Variants in KCNQ5 observed in about 807,000 individuals in gnomAD.
KCNQ5 encodes potassium voltage-gated channel subfamily KQT member 5.
A neutral mutation model predicts 98.2 loss-of-function variants in KCNQ5; 30 were observed. That is an observed-to-expected ratio of 0.31 (90% CI 0.23 to 0.41). The LOEUF is 0.41. Among genes scored for constraint, KCNQ5 ranks in the 10% least tolerant of loss-of-function variants. The pLI is 1.00. For missense variants in KCNQ5, 835 were observed against 1,182.5 expected (o/e 0.71, Z 4.31); for synonymous variants, 458 against 449.4 (o/e 1.02, Z -0.24).
Position 73,016,335 on chromosome 6 carries a change from G to A in KCNQ5, c.489+12337G>A, listed in dbSNP as rs151315944. On this transcript the variant is annotated intron_variant, in intron 2 of 13. Coordinates refer to ENST00000370398, the MANE Select transcript of KCNQ5 (RefSeq NM_019842.4). ...GTGAGACAAGGAAGGGCAAGAAGAT[G>A]AGCAACTGAAGGAGGGTAAGCCAGG... 7.3e-3 allele frequency among the ~76,000 whole-genome samples: 1,104 copies of A among 152,110 alleles called. 16 individuals are homozygous for A. The highest frequency in any genetic ancestry group is 0.025 in the African/African-American group (1,052 of 41,506).
intron 1 of KCNQ5, among the ~76,000 whole-genome samples, chr6:72,741,181 C>G (rs1259129059): frequency 6.6e-6 from 1 of 152,174 alleles, no homozygotes; most frequent in Non-Finnish European, 1.5e-5. Flanking sequence ...TTGGCATGAG[C>G]TTGAATGTCA....
At chr6:72,848,560 G>T (rs550275107) in intron 1 of KCNQ5, among the ~76,000 whole-genome samples, 1 of 152,282 alleles carries the variant, frequency 6.6e-6, no homozygotes, top group East Asian at 1.9e-4. Flanking sequence ...ACCTAGTTTT[G>T]TAACTCAAAT....
At chr6:72,725,555 A>G (rs1770220400) in intron 1 of KCNQ5, among the ~76,000 whole-genome samples, 1 of 152,180 alleles carries the variant, frequency 6.6e-6, no homozygotes, top group African/African-American at 2.4e-5. Flanking sequence ...TGTTGATCAA[A>G]GAGTACACAA....
At chr6:72,819,828 C>A (rs779230583) in intron 1 of KCNQ5, among the ~76,000 whole-genome samples, 1 of 152,160 alleles carries the variant, frequency 6.6e-6, no homozygotes, top group Non-Finnish European at 1.5e-5. Flanking sequence ...ACCTAAGCTT[C>A]CTGTTTGTCT....
intron 1 of KCNQ5, among the ~76,000 whole-genome samples, chr6:72,843,081 G>T (rs1451922277): frequency 6.6e-6 from 1 of 152,120 alleles, no homozygotes; most frequent in East Asian, 1.9e-4. Flanking sequence ...GAATGGTATT[G>T]CCTGGGTTTT....
intron 11 of KCNQ5, among the ~76,000 whole-genome samples, chr6:73,173,749 A>G (rs1179959293): frequency 5.3e-5 from 8 of 152,116 alleles, no homozygotes; most frequent in Non-Finnish European, 1.2e-4. Context: ...CAGGAATTCA[A>G]GACCAGCCTG....
chr6:73,034,181 T>C (rs1162497368), intron 2 of KCNQ5, among the ~76,000 whole-genome samples: 1 of 152,164 alleles, frequency 6.6e-6, no homozygotes, highest in African/African-American at 2.4e-5. Flanking sequence ...ACTGATGCCT[T>C]TTTTTTGCAT....
chr6:72,725,329 A>T (rs1478682119), intron 1 of KCNQ5, among the ~76,000 whole-genome samples: 1 of 152,176 alleles, frequency 6.6e-6, no homozygotes, highest in Non-Finnish European at 1.5e-5. Context: ...TGCTTGTACA[A>T]GTTTTCCCAA....
chr6:72,792,797 A>G (rs1561986934), intron 1 of KCNQ5, among the ~76,000 whole-genome samples: 1 of 152,230 alleles, frequency 6.6e-6, no homozygotes. Flanking sequence ...GAATCTATCC[A>G]TACATATTTA....
At chr6:73,193,566 T>C (rs893175686) in intron 13 of KCNQ5, among the ~76,000 whole-genome samples, 9 of 151,290 alleles carry the variant, frequency 5.9e-5, no homozygotes, top group Admixed American at 5.9e-4. Flanking sequence ...TGAATGTTTG[T>C]TAACCTCAAG....
chr6:72,639,329 G>A (rs1348147122), intron 1 of KCNQ5, among the ~76,000 whole-genome samples: 1 of 152,170 alleles, frequency 6.6e-6, no homozygotes, highest in African/African-American at 2.4e-5. Flanking sequence ...GATGTAGAAA[G>A]CCAGGATAGA....
In KCNQ5 at chr6:73,198,485, A is replaced by G. The variant is rs1439562800; in HGVS notation, c.*3071A>G. On this transcript the variant is annotated 3_prime_UTR_variant, in exon 14 of 14. Coordinates refer to ENST00000370398, the MANE Select transcript of KCNQ5 (RefSeq NM_019842.4). ...GAGGAAATCAGGCACAAATTGACCAATTCTCATGCCATTTGCAAAGCAAAA... is the reference window on the plus strand; with the variant it reads ...GAGGAAATCAGGCACAAATTGACCAGTTCTCATGCCATTTGCAAAGCAAAA... 6.6e-6 allele frequency: 1 copy of G among 152,244 alleles called. No homozygotes were observed. Among genetic ancestry groups the G allele is most frequent in the African/African-American group, 2.4e-5 (1 of 41,456 alleles). The allele number at this position is 152,244 out of a possible 1,614,324, so 9.4% of individuals were successfully genotyped here. A position where few individuals can be genotyped will look rare whatever the true frequency, so the allele number is the denominator to read the frequency against.
At chr6:72,878,128 G>A (rs1307899687) in intron 1 of KCNQ5, among the ~76,000 whole-genome samples, 1 of 152,126 alleles carries the variant, frequency 6.6e-6, no homozygotes, top group Non-Finnish European at 1.5e-5. Context: ...AAATTAGCGG[G>A]GCATGGTGGC....
chr6:72,719,716 T>C (rs969386689), intron 1 of KCNQ5, among the ~76,000 whole-genome samples: 2 of 152,208 alleles, frequency 1.3e-5, no homozygotes, highest in African/African-American at 4.8e-5. Context: ...CTTGCCTCTC[T>C]GGTAACTCCT....
intron 1 of KCNQ5, among the ~76,000 whole-genome samples, chr6:72,952,859 A>G (rs1370643129): frequency 6.6e-6 from 1 of 152,198 alleles, no homozygotes; most frequent in Non-Finnish European, 1.5e-5. Flanking sequence ...ACTTTTTGCT[A>G]TAATTACCTC....
At chr6:73,130,125 T>C (rs1358525742) in intron 9 of KCNQ5, among the ~76,000 whole-genome samples, 1 of 152,232 alleles carries the variant, frequency 6.6e-6, no homozygotes, top group African/African-American at 2.4e-5. Flanking sequence ...GCTGAGCTGC[T>C]GCACGCACTG....
At chr6:72,884,084 T>C (rs1420192841) in intron 1 of KCNQ5, among the ~76,000 whole-genome samples, 2 of 152,214 alleles carry the variant, frequency 1.3e-5, no homozygotes, top group African/African-American at 4.8e-5. Flanking sequence ...ATCAAGTAGA[T>C]CTTCAAAGAT....
At chr6:72,842,768 G>C (rs891738961) in intron 1 of KCNQ5, among the ~76,000 whole-genome samples, 1 of 151,954 alleles carries the variant, frequency 6.6e-6, no homozygotes, top group Non-Finnish European at 1.5e-5. Context: ...ATGTTTGTTG[G>C]CAGTATAAAT....
At chr6:72,726,010 A>C (rs1770243263) in intron 1 of KCNQ5, among the ~76,000 whole-genome samples, 1 of 152,054 alleles carries the variant, frequency 6.6e-6, no homozygotes, top group Non-Finnish European at 1.5e-5. Context: ...TTCTGAAATG[A>C]CTTAATCCCA....
Sources: gnomAD v4.1 joint callset for allele counts (sites outside exome capture counted in the v4.1 genomes callset) on GRCh38, gnomAD v4.1.1 for gene constraint, MANE v1.5 for transcripts, NCBI Gene and HGNC (gene_info 2026-07-23, HGNC 2026-07-21) for gene names.